HMMR: variants seen among roughly 807,000 people sequenced by gnomAD.
The protein encoded by HMMR is hyaluronan mediated motility receptor.
In HMMR, 108 loss-of-function variants were observed where a neutral mutation model predicts 101.0. The observed-to-expected ratio is 1.07, with a 90% CI of 0.92 to 1.25. The LOEUF is 1.25. Ranked by LOEUF, HMMR falls within the 50% of genes most tolerant of loss-of-function variation. HMMR has a pLI of 0.00. For missense variants in HMMR, 813 were observed against 788.7 expected (o/e 1.03, Z -0.37); for synonymous variants, 296 against 276.4 (o/e 1.07, Z -0.70).
Position 163,464,853 on chromosome 5 carries a change from A to G in HMMR, c.225+51A>G, listed in dbSNP as rs191658232. 8.6e-5 allele frequency: 93 copies of G among 1,079,500 alleles called. No individual in the cohort carries two copies. In the East Asian group the frequency reaches 2.1e-3, roughly 25 times the overall value. The allele number at this position is 1,079,500 out of a possible 1,614,324, so 66.9% of individuals were successfully genotyped here. A position where few individuals can be genotyped will look rare whatever the true frequency, so the allele number is the denominator to read the frequency against. Reference sequence around the variant, plus strand: ...GTTTATCAAGTGTATCATCAAAAACATCTGAAAGTATTGTATTTGATTAGA... The same window carrying G: ...GTTTATCAAGTGTATCATCAAAAACGTCTGAAAGTATTGTATTTGATTAGA... On this transcript the variant is annotated intron_variant, in intron 3 of 17. Coordinates refer to ENST00000393915, the MANE Select transcript of HMMR (RefSeq NM_001142556.2).
At chr5:163,461,892 G>A (rs950722539) in intron 1 of HMMR, among the ~76,000 whole-genome samples, 1 of 151,466 alleles carries the variant, frequency 6.6e-6, no homozygotes, top group Non-Finnish European at 1.5e-5. Flanking sequence ...TTACAGATGA[G>A]AAAACAGAGG....
rs370065820 is a variant in HMMR at position 163,467,561 on chromosome 5, A to G, written c.226-140A>G. The G allele has an allele frequency of 1.4e-3, 720 of 508,538 alleles. 6 individuals carry two copies. Among genetic ancestry groups the G allele is most frequent in the African/African-American group, 0.013 (653 of 50,136 alleles). 31.5% of individuals were successfully genotyped at this position (508,538 alleles called of 1,614,324 possible). A position where few individuals can be genotyped will look rare whatever the true frequency, so the allele number is the denominator to read the frequency against. On this transcript the variant is annotated intron_variant, in intron 3 of 17. Transcript: ENST00000393915. ...TTTATTTATCAGATGAGTGGCCTAC[A>G]CAATGTTTAACAGTGTAATGTTTAA... is the stretch of plus-strand genomic sequence containing the variant.
At chr5:163,487,268 A>G (rs76676859) in intron 16 of HMMR, among the ~76,000 whole-genome samples, 6,890 of 152,202 alleles carry the variant, frequency 0.045, 172 homozygotes, top group East Asian at 0.057. Context: ...ATATTAATCT[A>G]ACCTTCTGAG....
intron 15 of HMMR, 24 bp downstream of exon 15, chr5:163,483,391 A>T: frequency 1.6e-6 from 2 of 1,278,286 alleles, no homozygotes; most frequent in Non-Finnish European, 2.3e-6. Context: ...GAGTAAACTT[A>T]CTTGTGTTTA....
chr5:163,482,586 G>T, intron 12 of HMMR, 56 bp from the exon 13 acceptor site: 1 of 1,273,178 alleles, frequency 7.9e-7, no homozygotes, highest in South Asian at 1.3e-5. Context: ...AATCAGTTAT[G>T]ATTGTCATAC....
At chr5:163,464,610 A>G in intron 2 of HMMR, 113 bp from the exon 3 acceptor site, 1 of 747,500 alleles carries the variant, frequency 1.3e-6, no homozygotes, top group Non-Finnish European at 2.3e-6. Flanking sequence ...AGACTGTCTC[A>G]AAAAACAAAA....
chr5:163,472,050 AT>A (rs10672532), intron 7 of HMMR, among the ~76,000 whole-genome samples: 1,433 of 140,612 alleles, frequency 0.01, 36 homozygotes, highest in African/African-American at 0.037. Flanking sequence ...TATTATTATT[AT>A]TTATTTTTTT....
chr5:163,462,034 C>CAACT (rs540608905), intron 1 of HMMR, among the ~76,000 whole-genome samples: 49 of 152,254 alleles, frequency 3.2e-4, no homozygotes, highest in African/African-American at 1.2e-3. Context: ...AATGAAAATA[C>CAACT]AACTACTCAC....
intron 12 of HMMR, among the ~76,000 whole-genome samples, chr5:163,482,218 A>G (rs1190876774): frequency 6.6e-6 from 1 of 152,104 alleles, no homozygotes; most frequent in Non-Finnish European, 1.5e-5. Flanking sequence ...CGCCCAGCCT[A>G]CTTGGACACC....
At chr5:163,486,877 G>C (rs1273586147) in intron 16 of HMMR, among the ~76,000 whole-genome samples, 1 of 152,232 alleles carries the variant, frequency 6.6e-6, no homozygotes, top group Non-Finnish European at 1.5e-5. Flanking sequence ...TCAGGAGTTT[G>C]AGACCAGCCT....
chr5:163,474,333 A>G (rs1024082596), intron 10 of HMMR, 128 bp downstream of exon 10: 5 of 699,750 alleles, frequency 7.1e-6, no homozygotes, highest in Non-Finnish European at 1.2e-5. Flanking sequence ...TATCCTGAGG[A>G]CATAATCATG....
chr5:163,463,770 A>G lies in HMMR; in HGVS notation c.47-86A>G, dbSNP rs1318004358. The G allele has an allele frequency of 7.4e-6, 4 of 538,660 alleles. 1 individual carries two copies. Among genetic ancestry groups the G allele is most frequent in the South Asian group, 9.8e-5 (2 of 20,504 alleles). The allele number at this position is 538,660 out of a possible 1,614,324, so 33.4% of individuals were successfully genotyped here. A position where few individuals can be genotyped will look rare whatever the true frequency, so the allele number is the denominator to read the frequency against. The stretch of plus-strand genomic sequence containing the variant: ...AGCAGTTTGTTAATGACATTTTTAC[A>G]TTTATATTCACTTTATTATGACATG... On this transcript the variant is annotated intron_variant, in intron 1 of 17. Coordinates refer to ENST00000393915, the MANE Select transcript of HMMR (RefSeq NM_001142556.2).
intron 5 of HMMR, 153 bp downstream of exon 5, chr5:163,469,982 A>G (rs1481995352): frequency 1.4e-5 from 7 of 514,086 alleles, no homozygotes; most frequent in Non-Finnish European, 2.4e-5. Flanking sequence ...AGCCTGACCA[A>G]CATGGAGAAA....
chr5:163,485,715 C>T (rs1183972288), intron 16 of HMMR, among the ~76,000 whole-genome samples: 1 of 152,116 alleles, frequency 6.6e-6, no homozygotes, highest in Non-Finnish European at 1.5e-5. Flanking sequence ...TATCTATCTC[C>T]TCTGCCAAAT....
rs765996849 is a variant in HMMR, at chr5:163,474,088, C to T, written c.936C>T (p.Asn312=). Residue 312 remains asparagine, a synonymous_variant, in exon 10 of 18, where the codon AAC becomes AAT. Coordinates refer to ENST00000393915, the MANE Select transcript of HMMR (RefSeq NM_001142556.2). ...ATGTCAACAGGAATAGAGAACACAA[C>T]GAAAATCTAAATGCAGAGATGCAAA... The part of the protein sequence containing the change: ...EDHVNRNREH[N]ENLNAEMQNL... The T allele has an allele frequency of 8.3e-5, 134 of 1,610,802 alleles. 1 individual carries two copies. The highest frequency in any genetic ancestry group is 4.9e-4 in the Middle Eastern group (3 of 6,076).
intron 1 of HMMR, among the ~76,000 whole-genome samples, chr5:163,463,070 G>A (rs1422498161): frequency 6.6e-6 from 1 of 152,046 alleles, no homozygotes; most frequent in African/African-American, 2.4e-5. Context: ...CCCCATCTCA[G>A]GTCTGCTATG....
At position 163,483,130 on chromosome 5, in the gene HMMR, A is replaced by G. The variant is rs112257004; in HGVS notation, c.1643A>G (p.Gln548Arg). 2,699 of 1,612,622 alleles carry G rather than the reference A, an allele frequency of 1.7e-3. 41 individuals carry two copies. In the African/African-American group the frequency reaches 0.03, roughly 18 times the overall value. ...GATTTGCAGAACCAACTCAAGCAACAGGAGGAAGACTTTAGAAAACAGCTG... is the reference window on the plus strand; with the variant it reads ...GATTTGCAGAACCAACTCAAGCAACGGGAGGAAGACTTTAGAAAACAGCTG... ...ITDLQNQLKQ[Q>R]EEDFRKQLED... Residue 548 changes from glutamine (Q) to arginine (R), a missense_variant, in exon 14 of 18, where the codon CAG becomes CGG. By Grantham distance (43) the Gln-to-Arg change is conservative (BLOSUM62 1). Coordinates refer to ENST00000393915, the MANE Select transcript of HMMR (RefSeq NM_001142556.2).
intron 2 of HMMR, 73 bp from the exon 3 acceptor site, chr5:163,464,650 T>A (rs1758643075): frequency 5.0e-6 from 5 of 1,007,966 alleles, no homozygotes; most frequent in Non-Finnish European, 7.6e-6. Context: ...CAAAAAAATT[T>A]GGAAATTGTG....
intron 13 of HMMR, 107 bp downstream of exon 13, chr5:163,482,895 AAGAATTTACTC>A: frequency 7.6e-7 from 1 of 1,319,406 alleles, no homozygotes; most frequent in Non-Finnish European, 1.1e-6. Flanking sequence ...ACTGCAAATT[AAGAATTTACTC>A]AGTTAAAAAA....
Sources: gnomAD v4.1 joint callset for allele counts (sites outside exome capture counted in the v4.1 genomes callset) on GRCh38, gnomAD v4.1.1 for gene constraint, MANE v1.5 for transcripts, NCBI Gene and HGNC (gene_info 2026-07-23, HGNC 2026-07-21) for gene names.